SH3GLB2: variants seen among roughly 807,000 people sequenced by gnomAD.
SH3GLB2 encodes SH3 domain containing GRB2 like, endophilin B2.
A neutral mutation model predicts 48.0 loss-of-function variants in SH3GLB2; 24 were observed. The observed-to-expected ratio is 0.50, with a 90% confidence interval of 0.36 to 0.70. The LOEUF is 0.70. Ranked by LOEUF, SH3GLB2 falls within the 30% of genes least tolerant of loss-of-function variation. The pLI is 0.00. For missense variants in SH3GLB2, 425 were observed against 516.0 expected (o/e 0.82, Z 1.71); for synonymous variants, 227 against 207.6 (o/e 1.09, Z -0.80).
At chr9:129,019,523 T>C (rs914982191) in intron 3 of SH3GLB2, among the ~76,000 whole-genome samples, 1 of 151,742 alleles carries the variant, frequency 6.6e-6, no homozygotes, top group Non-Finnish European at 1.5e-5. Context: ...CTGGATAACA[T>C]GGTGAAACCC....
Position 129,012,293 on chromosome 9 carries a change from C to A in SH3GLB2, c.567G>T (p.Val189=), listed in dbSNP as rs778204978. 7.7e-7 allele frequency: 1 copy of A among 1,304,486 alleles called. No individual in the cohort carries two copies. Among genetic ancestry groups the A allele is most frequent in the Non-Finnish European group, 9.8e-7 (1 of 1,019,492 alleles). The allele number at this position is 1,304,486 out of a possible 1,614,324, so 80.8% of individuals were successfully genotyped here. A position where few individuals can be genotyped will look rare whatever the true frequency, so the allele number is the denominator to read the frequency against. The change falls in exon 6 of 11, where the codon GTG becomes GTT. Residue 189 remains valine, a synonymous_variant. Coordinates refer to ENST00000372564, the MANE Select transcript of SH3GLB2 (RefSeq NM_020145.4). ...GAGGTCTAGTCTCCTGAAAGTCAGGCACCGTCTGGCGGGGAACAGAGTTCA... is the reference window on the plus strand; with the variant it reads ...GAGGTCTAGTCTCCTGAAAGTCAGGAACCGTCTGGCGGGGAACAGAGTTCA... ...AKAAEAKATT[V]PDFQETRPRN...
At chr9:129,019,550 A>G (rs1336127049) in intron 3 of SH3GLB2, among the ~76,000 whole-genome samples, 2 of 151,664 alleles carry the variant, frequency 1.3e-5, no homozygotes, top group African/African-American at 4.9e-5. Context: ...TGCTAAAAAT[A>G]CAAAAATTAG....
rs1844275644 is a variant in SH3GLB2 at position 129,028,163 on chromosome 9, C to T, written c.-9G>A. The T allele has an allele frequency of 7.0e-7, 1 of 1,431,296 alleles. No individual in the cohort carries two copies. The allele number at this position is 1,431,296 out of a possible 1,614,324, so 88.7% of individuals were successfully genotyped here. On this transcript the variant is annotated 5_prime_UTR_variant, in exon 1 of 11. Coordinates refer to ENST00000372564, the MANE Select transcript of SH3GLB2 (RefSeq NM_020145.4). ...TTCATGTTGAAGTCCATGGCGTGCC[C>T]GCACGGCCGCCGCGCACGGCCCGAG...
Position 129,010,173 on chromosome 9 carries a change from CA to C in SH3GLB2, c.684del (p.Phe228LeufsTer7). ...AGACGGGTCACTTCTGCTTGCCGGT[CA>C]AACTCTGTCTGGGCCACGCGGAGCT... ...EQELRVAQTE[F>X]DRQAEVTRLL... On this transcript the variant is annotated frameshift_variant, in exon 8 of 11. Transcript: ENST00000372564. LOFTEE classifies it high-confidence loss of function. 1.2e-6 allele frequency: 2 copies of C among 1,614,018 alleles called. No homozygotes were observed. Among genetic ancestry groups the C allele is most frequent in the South Asian group, 1.1e-5 (1 of 91,064 alleles).
At chr9:129,008,909 G>T in intron 10 of SH3GLB2, 118 bp from the exon 11 acceptor site, 1 of 1,271,186 alleles carries the variant, frequency 7.9e-7, no homozygotes, top group Non-Finnish European at 1.1e-6. Flanking sequence ...TACACCTTCA[G>T]TGGCTGGCGC....
intron 3 of SH3GLB2, among the ~76,000 whole-genome samples, chr9:129,017,051 A>G (rs1843473075): frequency 6.7e-6 from 1 of 149,498 alleles, no homozygotes; most frequent in Non-Finnish European, 1.5e-5. Flanking sequence ...GGGTTCCAGC[A>G]ATTCTCCTGC....
At chr9:129,021,065 A>T (rs1843763133) in intron 3 of SH3GLB2, 26 bp downstream of exon 3, 14 of 1,551,616 alleles carry the variant, frequency 9.0e-6, no homozygotes, top group Non-Finnish European at 1.1e-5. Flanking sequence ...CATGACCCCT[A>T]GTCCCTGGCT....
chr9:129,010,907 G>C, intron 6 of SH3GLB2: 1 of 602,326 alleles, frequency 1.7e-6, no homozygotes, highest in South Asian at 2.1e-5. Flanking sequence ...ATGCAGGAGG[G>C]GAGCAGCCAG....
Position 129,023,277 on chromosome 9 carries a change from G to T in SH3GLB2, c.64-854C>A, listed in dbSNP as rs532398438. On this transcript the variant is annotated intron_variant, in intron 1 of 10. Transcript: ENST00000372564. Reference sequence around the variant, plus strand: ...GAGCCAGCGGCTGGGCACACCCAGGGCCCGGATGTCGCATGGGTCCCCATC... The same window carrying T: ...GAGCCAGCGGCTGGGCACACCCAGGTCCCGGATGTCGCATGGGTCCCCATC... Among the ~76,000 whole-genome samples, 45 of 152,250 alleles carry T rather than the reference G, an allele frequency of 3.0e-4. 1 individual carries two copies. The East Asian group carries it at 4.1e-3, about 14-fold the overall frequency.
At chr9:129,024,977 A>G (rs1054169360) in intron 1 of SH3GLB2, among the ~76,000 whole-genome samples, 3 of 151,780 alleles carry the variant, frequency 2.0e-5, no homozygotes, top group Non-Finnish European at 2.9e-5. Context: ...CTCAAAAAAA[A>G]AAAAAGACAG....
At chr9:129,016,396 C>G (rs1021385424) in intron 3 of SH3GLB2, among the ~76,000 whole-genome samples, 1 of 143,944 alleles carries the variant, frequency 6.9e-6, no homozygotes, top group African/African-American at 2.6e-5. Flanking sequence ...TGCGGTGGCT[C>G]ACACCTGTAA....
intron 2 of SH3GLB2, among the ~76,000 whole-genome samples, chr9:129,021,549 G>A (rs376564545): frequency 3.1e-4 from 47 of 151,956 alleles, no homozygotes; most frequent in Admixed American, 1.1e-3. Flanking sequence ...AGCACGACCC[G>A]GAGCCACCCT....
At chr9:129,024,887 A>G (rs1374059775) in intron 1 of SH3GLB2, among the ~76,000 whole-genome samples, 1 of 137,908 alleles carries the variant, frequency 7.3e-6, no homozygotes, top group Non-Finnish European at 1.6e-5. Flanking sequence ...GGAGAATGGC[A>G]TCAACCTGGG....
chr9:129,014,291 C>G lies in SH3GLB2; in HGVS notation c.561+120G>C. Reference sequence around the variant, plus strand: ...CTCAGCCCAGCAGCCCCCAGCCAGGCATCTCCAGCCAGGGAGAGGGGAGAG... The same window carrying G: ...CTCAGCCCAGCAGCCCCCAGCCAGGGATCTCCAGCCAGGGAGAGGGGAGAG... On this transcript the variant is annotated intron_variant, in intron 5 of 10. Transcript: ENST00000372564. The surrounding 1 kb of genome is among the most constrained non-coding windows in gnomAD (Gnocchi z 4.1). 1 of 924,748 alleles carries G rather than the reference C, an allele frequency of 1.1e-6. No homozygotes were observed. The highest frequency in any genetic ancestry group is 1.5e-5 in the South Asian group (1 of 64,924). The allele number at this position is 924,748 out of a possible 1,614,324, so 57.3% of individuals were successfully genotyped here. A position where few individuals can be genotyped will look rare whatever the true frequency, so the allele number is the denominator to read the frequency against.
At chr9:129,025,623 A>AAGGAAGGAAGGAAGGAAGGAAGGAAGGC (rs1554835515) in intron 1 of SH3GLB2, among the ~76,000 whole-genome samples, 14 of 146,222 alleles carry the variant, frequency 9.6e-5, no homozygotes, top group Middle Eastern at 7.6e-3. Flanking sequence ...GGAAGGAAGG[A>AAGGAAGGAAGGAAGGAAGGAAGGAAGGC]AGGCAGGCAG....
intron 3 of SH3GLB2, among the ~76,000 whole-genome samples, chr9:129,020,570 CA>C (rs1191047749): frequency 2.7e-3 from 262 of 95,786 alleles, no homozygotes; most frequent in Middle Eastern, 0.012. Context: ...AACTGTGTCT[CA>C]AAAAAAAAAA....
chr9:129,014,383 G>A lies in SH3GLB2; in HGVS notation c.561+28C>T. Reference sequence around the variant, plus strand: ...TGGCTCCAGCCAGAGCCTGGGCCAGGAGGCCAGCGGGGAGCGGGGACACCT... The same window carrying A: ...TGGCTCCAGCCAGAGCCTGGGCCAGAAGGCCAGCGGGGAGCGGGGACACCT... On this transcript the variant is annotated intron_variant, in intron 5 of 10. Transcript: ENST00000372564. The surrounding 1 kb of genome is among the most constrained non-coding windows in gnomAD (Gnocchi z 4.1). The A allele has an allele frequency of 6.5e-7, 1 of 1,544,622 alleles. No individual in the cohort carries two copies. Among genetic ancestry groups the A allele is most frequent in the East Asian group, 2.4e-5 (1 of 40,880 alleles).
rs529669879 is a variant in SH3GLB2, at chr9:129,014,582, C to T, written c.469-79G>A. On this transcript the variant is annotated intron_variant, in intron 4 of 10. Transcript: ENST00000372564. This position sits in a 1 kb window ranked among gnomAD's most constrained non-coding sequence, Gnocchi z 4.1. ...GAGCCATGCATGGCAAGATTGGTGC[C>T]GGGGACGATCAAGTCAAGATAGGGA... The T allele has an allele frequency of 3.3e-5, 50 of 1,498,156 alleles. No individual in the cohort carries two copies. The highest frequency in any genetic ancestry group is 2.6e-4 in the Admixed American group (13 of 50,848). The allele number at this position is 1,498,156 out of a possible 1,614,324, so 92.8% of individuals were successfully genotyped here.
intron 2 of SH3GLB2, 26 bp downstream of exon 2, chr9:129,022,256 C>T: frequency 1.9e-6 from 3 of 1,610,246 alleles, no homozygotes; most frequent in Non-Finnish European, 2.5e-6. Context: ...CTACATCCCT[C>T]CCCGGGCCCA....
Sources: gnomAD v4.1 joint callset for allele counts (sites outside exome capture counted in the v4.1 genomes callset) on GRCh38, gnomAD v4.1.1 for gene constraint, Gnocchi (gnomAD v3.1) non-coding constraint, MANE v1.5 for transcripts, NCBI Gene and HGNC (gene_info 2026-07-23, HGNC 2026-07-21) for gene names.